Variants in CFAP299 observed in about 807,000 individuals in gnomAD.
CFAP299 encodes cilia- and flagella-associated protein 299.
Under a neutral mutation model 27.0 loss-of-function variants are expected in CFAP299, and 21 were observed. The observed-to-expected ratio is 0.78, with a 90% CI of 0.55 to 1.12. CFAP299 has a LOEUF of 1.12. CFAP299 is among the 50% of genes most tolerant of loss of function. The pLI, the probability that CFAP299 is intolerant of heterozygous loss-of-function variation, is 0.00. For synonymous variants in CFAP299, 104 were observed against 98.1 expected (o/e 1.06, Z -0.36); for missense variants, 310 against 276.6 (o/e 1.12, Z -0.86).
intron 3 of CFAP299, among the ~76,000 whole-genome samples, chr4:80,598,947 G>A (rs1314125480): frequency 6.6e-6 from 1 of 152,116 alleles, no homozygotes; most frequent in Non-Finnish European, 1.5e-5. Flanking sequence ...CCAGTATAGA[G>A]TTACTTCACC....
chr4:80,583,805 A>G (rs1736294336), intron 3 of CFAP299, among the ~76,000 whole-genome samples: 1 of 152,004 alleles, frequency 6.6e-6, no homozygotes, highest in African/African-American at 2.4e-5. Context: ...CATGTTCCAA[A>G]TCAAATTTAA....
At chr4:80,500,372 C>G (rs1374514877) in intron 2 of CFAP299, among the ~76,000 whole-genome samples, 1 of 152,086 alleles carries the variant, frequency 6.6e-6, no homozygotes, top group Admixed American at 6.6e-5. Context: ...CTAATTTCTC[C>G]TTGGGATAGC....
chr4:80,656,182 T>TA (rs567227395), intron 3 of CFAP299, among the ~76,000 whole-genome samples: 18 of 151,974 alleles, frequency 1.2e-4, no homozygotes, highest in African/African-American at 3.6e-4. Flanking sequence ...AGTTTTATAC[T>TA]AAAAAAAAGA....
intron 3 of CFAP299, among the ~76,000 whole-genome samples, chr4:80,698,489 A>T (rs1302568907): frequency 6.6e-6 from 1 of 152,210 alleles, no homozygotes; most frequent in African/African-American, 2.4e-5. Flanking sequence ...TTATTAATTT[A>T]GTGTAGTAAA....
chr4:80,329,208 C>CACATATATATATATATATATATAT, the CFAP299 span, among the ~76,000 whole-genome samples: 3 of 136,042 alleles, frequency 2.2e-5, no homozygotes, highest in Non-Finnish European at 4.6e-5. Context: ...ACACTGTATA[C>CACATATATATATATATATATATAT]ATATATATAT....
chr4:80,344,914 A>C (rs576057253), intron 1 of CFAP299, among the ~76,000 whole-genome samples: 1 of 152,212 alleles, frequency 6.6e-6, no homozygotes, highest in African/African-American at 2.4e-5. Context: ...CAATAGATGC[A>C]GAAAAGACCT....
Position 80,573,784 on chromosome 4 carries a change from T to C in CFAP299, c.243-9309T>C, listed in dbSNP as rs1344381265. 3.3e-5 allele frequency among the ~76,000 whole-genome samples: 5 copies of C among 152,190 alleles called. 1 individual carries two copies. In the South Asian group the frequency reaches 8.3e-4, roughly 25 times the overall value. ...AATGCACTTGTGGTGTATGAATTTG[T>C]TTCTCAGTTCTCTATTCTGTTCCTT... On this transcript the variant is annotated intron_variant, in intron 2 of 5. Transcript: ENST00000358105.
chr4:80,456,250 G>A (rs143980214), intron 2 of CFAP299, among the ~76,000 whole-genome samples: 1 of 152,210 alleles, frequency 6.6e-6, no homozygotes, highest in Non-Finnish European at 1.5e-5. Context: ...CAGCTTCATG[G>A]CAAGACATAA....
intron 3 of CFAP299, among the ~76,000 whole-genome samples, chr4:80,856,164 T>G (rs1344536664): frequency 2.0e-5 from 3 of 151,794 alleles, no homozygotes; most frequent in African/African-American, 7.3e-5. Context: ...CCAGTGATGG[T>G]GAGCATTTTT....
intron 2 of CFAP299, among the ~76,000 whole-genome samples, chr4:80,510,594 G>A (rs1732247799): frequency 6.6e-6 from 1 of 152,114 alleles, no homozygotes; most frequent in South Asian, 2.1e-4. Context: ...TCCCGCAACA[G>A]TACACAAGTA....
At chr4:80,342,703 C>T (rs752974562) in intron 1 of CFAP299, among the ~76,000 whole-genome samples, 5 of 152,128 alleles carry the variant, frequency 3.3e-5, no homozygotes, top group Non-Finnish European at 5.9e-5. Context: ...CATTACCAGC[C>T]ACTACAAAAA....
chr4:80,837,171 A>T (rs1193569908), intron 3 of CFAP299, among the ~76,000 whole-genome samples: 3 of 152,198 alleles, frequency 2.0e-5, no homozygotes, highest in Non-Finnish European at 4.4e-5. Flanking sequence ...AGTGCATATT[A>T]AGAGAAAAGA....
At chr4:80,455,900 A>G (rs887666239) in intron 2 of CFAP299, among the ~76,000 whole-genome samples, 3 of 152,194 alleles carry the variant, frequency 2.0e-5, no homozygotes, top group Non-Finnish European at 2.9e-5. Flanking sequence ...CAAAAAATCC[A>G]TGTATCCACA....
At chr4:80,956,274 T>C (rs1738059962) in intron 5 of CFAP299, among the ~76,000 whole-genome samples, 1 of 152,188 alleles carries the variant, frequency 6.6e-6, no homozygotes, top group East Asian at 1.9e-4. Flanking sequence ...ATATCTGAGC[T>C]GTTTAAAATT....
At chr4:80,615,879 C>T (rs1738245300) in intron 3 of CFAP299, among the ~76,000 whole-genome samples, 1 of 152,166 alleles carries the variant, frequency 6.6e-6, no homozygotes, top group Non-Finnish European at 1.5e-5. Context: ...AAATGGGCTT[C>T]TGGCCCTCAA....
At chr4:80,767,325 C>T (rs192307033) in intron 3 of CFAP299, among the ~76,000 whole-genome samples, 94 of 152,150 alleles carry the variant, frequency 6.2e-4, no homozygotes, top group Non-Finnish European at 4.6e-4. Context: ...ATACCTGGTA[C>T]TAGGTGGGGC....
At chr4:80,687,126 A>G (rs1168517180) in intron 3 of CFAP299, among the ~76,000 whole-genome samples, 1 of 152,152 alleles carries the variant, frequency 6.6e-6, no homozygotes, top group Non-Finnish European at 1.5e-5. Flanking sequence ...ACTGATCTCC[A>G]ATATGAATCT....
At chr4:80,751,773 G>A (rs1321342318) in intron 3 of CFAP299, among the ~76,000 whole-genome samples, 3 of 152,322 alleles carry the variant, frequency 2.0e-5, no homozygotes, top group Non-Finnish European at 1.5e-5. Context: ...CCTGCCTCAG[G>A]CAGATTCCAG....
intron 2 of CFAP299, among the ~76,000 whole-genome samples, chr4:80,429,111 T>C (rs1055664070): frequency 6.6e-6 from 1 of 152,198 alleles, no homozygotes; most frequent in Non-Finnish European, 1.5e-5. Flanking sequence ...AAATTGCCTG[T>C]GAAAATTCTG....
Sources: gnomAD v4.1 joint callset for allele counts (sites outside exome capture counted in the v4.1 genomes callset) on GRCh38, gnomAD v4.1.1 for gene constraint, MANE v1.5 for transcripts, NCBI Gene and HGNC (gene_info 2026-07-23, HGNC 2026-07-21) for gene names.